Variants in ZNF324B observed in about 807,000 individuals in gnomAD.
ZNF324B encodes zinc finger protein 324B.
ZNF324B carries 7 observed loss-of-function variants against 10.6 expected under a neutral mutation model. The observed-to-expected ratio is 0.66, with a 90% CI of 0.38 to 1.24. ZNF324B has a LOEUF of 1.24. Ranked by LOEUF, ZNF324B falls within the 50% of genes most tolerant of loss-of-function variation. The probability of loss-of-function intolerance (pLI) is 0.02; values close to 1 mark genes in which losing one functional copy is unlikely to be tolerated. For missense variants in ZNF324B, 640 were observed against 764.7 expected (o/e 0.84, Z 1.92); for synonymous variants, 316 against 321.0 (o/e 0.98, Z 0.17).
chr19:58,445,341 G>A, the ZNF324B span: 1 of 499,472 alleles, frequency 2.0e-6, no homozygotes, highest in Non-Finnish European at 3.9e-6. Context: ...AAAAATTGCA[G>A]CTCCTGCCTT....
chr19:58,438,071 TAAG>T, the ZNF324B span, among the ~76,000 whole-genome samples: 2 of 152,176 alleles, frequency 1.3e-5, no homozygotes, highest in Admixed American at 1.3e-4. Flanking sequence ...GGACCCTATT[TAAG>T]AAGAGATAAC....
intron 1 of ZNF324B, among the ~76,000 whole-genome samples, chr19:58,451,943 C>G (rs2052862634): frequency 6.6e-6 from 1 of 152,238 alleles, no homozygotes; most frequent in Non-Finnish European, 1.5e-5. Context: ...CCTTTCTTCC[C>G]TCCCAGTTGC....
At chr19:58,434,192 G>A in the ZNF324B span, 2 of 1,614,242 alleles carry the variant, frequency 1.2e-6, no homozygotes, top group Middle Eastern at 1.6e-4. Flanking sequence ...TGCTGAATGA[G>A]AGCAGAGCTT....
chr19:58,439,781 G>C, the ZNF324B span: 1 of 1,545,914 alleles, frequency 6.5e-7, no homozygotes, highest in South Asian at 1.2e-5. Context: ...CATCAGCAAC[G>C]CTGGCAACCC....
the ZNF324B span, among the ~76,000 whole-genome samples, chr19:58,438,331 C>T: frequency 6.6e-6 from 1 of 152,138 alleles, no homozygotes; most frequent in Non-Finnish European, 1.5e-5. Context: ...TTCATAATCA[C>T]ATGTTTAGTG....
chr19:58,431,492 C>T, the ZNF324B span, among the ~76,000 whole-genome samples: 22 of 152,242 alleles, frequency 1.4e-4, no homozygotes, highest in Middle Eastern at 6.8e-3. Context: ...ACCTCCTGGG[C>T]TCAAGAGATC....
In ZNF324B at chr19:58,453,809, T is replaced by G. The variant is rs1363200872; in HGVS notation, c.108T>G (p.Leu36=). ...ACGTGATGCTGGAAAACTTCACACT[T>G]GTGACCTCACTTGGTAAGGCCCTGG... is the stretch of plus-strand genomic sequence containing the variant. ...YRHVMLENFT[L]VTSLGLSTSR... Residue 36 remains leucine (L), a synonymous_variant, in exon 2 of 4, where the codon CTT becomes CTG. Coordinates refer to ENST00000336614, the MANE Select transcript of ZNF324B (RefSeq NM_207395.3). The G allele has an allele frequency of 2.5e-6, 4 of 1,614,006 alleles. No individual in the cohort carries two copies. Among genetic ancestry groups the G allele is most frequent in the Middle Eastern group, 1.6e-4 (1 of 6,062 alleles).
chr19:58,453,178 T>G (rs2052878798), intron 1 of ZNF324B: 1 of 155,122 alleles, frequency 6.4e-6, no homozygotes, highest in African/African-American at 2.4e-5. Flanking sequence ...AGTTCCCCTG[T>G]GTTCACAGGT....
At chr19:58,423,893 A>G in the ZNF324B span, among the ~76,000 whole-genome samples, 1 of 152,184 alleles carries the variant, frequency 6.6e-6, no homozygotes, top group East Asian at 1.9e-4. Flanking sequence ...ACCGTATACA[A>G]AAACAACTCT....
At chr19:58,433,791 G>C in the ZNF324B span, 157 of 1,614,084 alleles carry the variant, frequency 9.7e-5, no homozygotes, top group Non-Finnish European at 1.2e-4. Context: ...TGTGAGCAAA[G>C]GCTTTCCCAC....
Position 58,451,665 on chromosome 19 carries a change from G to A in ZNF324B, c.-46G>A, listed in dbSNP as rs1374900767. The A allele has an allele frequency of 2.0e-6, 1 of 508,228 alleles. No individual in the cohort carries two copies. The highest frequency in any genetic ancestry group is 6.0e-5 in the East Asian group (1 of 16,668). The allele number at this position is 508,228 out of a possible 1,614,324, so 31.5% of individuals were successfully genotyped here. ...TCAGGCCACACCGGTGGTCTGGGCT[G>A]TGGCGCGCGGGTCGGGGCCCGAGGC... On this transcript the variant is annotated 5_prime_UTR_variant, in exon 1 of 4. In the 5' UTR this introduces an upstream ATG that the reference lacks. Coordinates refer to ENST00000336614, the MANE Select transcript of ZNF324B (RefSeq NM_207395.3).
At chr19:58,427,451 TC>T in the ZNF324B span, among the ~76,000 whole-genome samples, 1,489 of 50,046 alleles carry the variant, frequency 0.03, 61 homozygotes, top group African/African-American at 0.088. Context: ...TCCTTTCCTT[TC>T]CCTTCCTTCC....
chr19:58,441,711 C>T, the ZNF324B span: 1 of 152,334 alleles, frequency 6.6e-6, no homozygotes, highest in South Asian at 2.1e-4. Flanking sequence ...TGTTGGTGGC[C>T]TGGCCCAGTG....
At chr19:58,449,404 G>A (rs1412910899), upstream of ZNF324B, among the ~76,000 whole-genome samples, 1 of 152,242 alleles carries the variant, frequency 6.6e-6, no homozygotes, top group Non-Finnish European at 1.5e-5. Context: ...GTACTGCCTA[G>A]TGGAGCTGTG....
the ZNF324B span, chr19:58,433,237 T>A: frequency 7.1e-7 from 1 of 1,401,112 alleles, no homozygotes; most frequent in Non-Finnish European, 9.7e-7. Context: ...TACATGTAGG[T>A]AATTTTTCTG....
At chr19:58,435,563 A>T in the ZNF324B span, 3 of 191,968 alleles carry the variant, frequency 1.6e-5, no homozygotes, top group Non-Finnish European at 3.3e-5. Context: ...CCATAATGAG[A>T]TACCACTTCA....
the ZNF324B span, among the ~76,000 whole-genome samples, chr19:58,423,090 C>T: frequency 0.014 from 2,115 of 152,166 alleles, 24 homozygotes; most frequent in Non-Finnish European, 0.02. Context: ...AGGATGGTCT[C>T]GATCTCCTGA....
At chr19:58,454,706 A>G (rs1315292842) in intron 3 of ZNF324B, 2 of 562,316 alleles carry the variant, frequency 3.6e-6, no homozygotes, top group Non-Finnish European at 6.3e-6. Flanking sequence ...TGACCAGGAC[A>G]CTCATGGTCC....
chr19:58,445,264 T>C, the ZNF324B span: 9 of 374,094 alleles, frequency 2.4e-5, no homozygotes, highest in Non-Finnish European at 4.1e-5. Context: ...GGAAAGCCTA[T>C]TCTCAATTTT....
Sources: gnomAD v4.1 joint callset for allele counts (sites outside exome capture counted in the v4.1 genomes callset) on GRCh38, gnomAD v4.1.1 for gene constraint, MANE v1.5 for transcripts, NCBI Gene and HGNC (gene_info 2026-07-23, HGNC 2026-07-21) for gene names.